Variants in SPAG16 observed in about 807,000 individuals in gnomAD.
The protein encoded by SPAG16 is sperm associated antigen 16.
Under a neutral mutation model 80.4 loss-of-function variants are expected in SPAG16, and 86 were observed. The observed-to-expected ratio is 1.07, with a 90% CI of 0.90 to 1.28. The LOEUF (loss-of-function observed/expected upper bound fraction) is 1.28. Ranked by LOEUF, SPAG16 falls within the 50% of genes most tolerant of loss-of-function variation. The pLI, the probability that SPAG16 is intolerant of heterozygous loss-of-function variation, is 0.00. For missense variants in SPAG16, 870 were observed against 765.3 expected, an observed-to-expected ratio of 1.14 and a Z score of -1.61; for synonymous variants, 294 against 265.9, an observed-to-expected ratio of 1.11 and a Z score of -1.03.
intron 9 of SPAG16, among the ~76,000 whole-genome samples, chr2:213,423,486 T>C (rs1359556142): frequency 2.6e-5 from 4 of 152,226 alleles, no homozygotes; most frequent in Non-Finnish European, 4.4e-5. Flanking sequence ...ATACTAGCTG[T>C]GTGGCCTTAT....
chr2:213,911,751 G>A (rs966668668), intron 11 of SPAG16, among the ~76,000 whole-genome samples: 8 of 150,722 alleles, frequency 5.3e-5, no homozygotes, highest in African/African-American at 2.0e-4. Context: ...CCTAGGAGAG[G>A]CAGCCTCCAT....
chr2:213,869,279 ATG>A (rs1225037973), intron 11 of SPAG16, among the ~76,000 whole-genome samples: 8 of 61,434 alleles, frequency 1.3e-4, no homozygotes, highest in South Asian at 1.6e-3. Context: ...ATATATATAT[ATG>A]TATATATATA....
chr2:213,373,294 T>C (rs1405729590), intron 8 of SPAG16, among the ~76,000 whole-genome samples: 1 of 152,198 alleles, frequency 6.6e-6, no homozygotes, highest in Admixed American at 6.5e-5. Flanking sequence ...TAAATTTTTG[T>C]GTAAGTAAAA....
chr2:214,044,586 A>G (rs575668336), intron 13 of SPAG16, among the ~76,000 whole-genome samples: 1 of 152,358 alleles, frequency 6.6e-6, no homozygotes, highest in African/African-American at 2.4e-5. Context: ...TCAGGTGAGC[A>G]TTCAGAGTAC....
intron 10 of SPAG16, among the ~76,000 whole-genome samples, chr2:213,856,818 G>A (rs532185391): frequency 1.4e-4 from 21 of 148,712 alleles, no homozygotes; most frequent in Admixed American, 3.4e-4. Flanking sequence ...TTTAAGTTTT[G>A]AGGAAAGAAG....
At chr2:213,299,617 T>G (rs947406326) in intron 3 of SPAG16, among the ~76,000 whole-genome samples, 1 of 152,130 alleles carries the variant, frequency 6.6e-6, no homozygotes, top group African/African-American at 2.4e-5. Context: ...TAGTATAGAT[T>G]AAATATTTGA....
intron 11 of SPAG16, among the ~76,000 whole-genome samples, chr2:213,927,886 A>G (rs2078558178): frequency 6.6e-6 from 1 of 152,248 alleles, no homozygotes; most frequent in Admixed American, 6.5e-5. Context: ...GCATGCTTAA[A>G]TAATTTTTAA....
chr2:213,878,431 G>A lies in SPAG16; in HGVS notation c.1214+15803G>A, dbSNP rs545010252. Among the ~76,000 whole-genome samples, 7 of 151,768 alleles carry A rather than the reference G, an allele frequency of 4.6e-5. No individual in the cohort carries two copies. In the East Asian group the frequency reaches 1.4e-3, roughly 29 times the overall value. On this transcript the variant is annotated intron_variant, in intron 11 of 15. Coordinates refer to ENST00000331683, the MANE Select transcript of SPAG16 (RefSeq NM_024532.5). ...ACTTGTATTTGTCAATATGCTTTTT[G>A]GCCACTTGTCTGTCTTCTTTTGGAA... is the stretch of plus-strand genomic sequence containing the variant.
chr2:214,408,002 G>A (rs533174290), intron 15 of SPAG16, among the ~76,000 whole-genome samples: 3 of 151,600 alleles, frequency 2.0e-5, no homozygotes, highest in South Asian at 2.1e-4. Context: ...TTGAAAAACC[G>A]CATAATAAAT....
At chr2:214,405,109 G>A (rs1701923688) in intron 15 of SPAG16, among the ~76,000 whole-genome samples, 1 of 152,056 alleles carries the variant, frequency 6.6e-6, no homozygotes, top group South Asian at 2.1e-4. Context: ...ACACTTATCT[G>A]AGTCTTTTTT....
Position 214,334,249 on chromosome 2 carries a change from T to C in SPAG16, c.1721-75891T>C, listed in dbSNP as rs139053856. Among the ~76,000 whole-genome samples, 1,121 of 152,328 alleles carry C rather than the reference T, an allele frequency of 7.4e-3. 12 individuals carry two copies. The highest frequency in any genetic ancestry group is 0.013 in the Non-Finnish European group (890 of 68,024). On this transcript the variant is annotated intron_variant, in intron 15 of 15. Coordinates refer to ENST00000331683, the MANE Select transcript of SPAG16 (RefSeq NM_024532.5). ...GGCCAGGTTGCCAGGAGGGGAGCTA[T>C]AGATAGATCCTGAGGGGGGCACATA...
intron 13 of SPAG16, among the ~76,000 whole-genome samples, chr2:214,028,892 G>GT (rs1337507647): frequency 6.6e-6 from 1 of 151,996 alleles, no homozygotes; most frequent in Non-Finnish European, 1.5e-5. Context: ...CATTCAACAC[G>GT]TAAGTACTGA....
chr2:213,679,541 A>T (rs377394311), intron 10 of SPAG16, among the ~76,000 whole-genome samples: 1 of 120,280 alleles, frequency 8.3e-6, no homozygotes, highest in South Asian at 2.4e-4. Context: ...ACATTTTAAA[A>T]ACGTGGAGAA....
chr2:213,904,136 ACCT>A (rs1312721485), intron 11 of SPAG16, among the ~76,000 whole-genome samples: 3 of 151,714 alleles, frequency 2.0e-5, no homozygotes, highest in Non-Finnish European at 2.9e-5. Flanking sequence ...AACTGTTCCA[ACCT>A]CTGCCTGTTA....
At chr2:214,232,596 C>T (rs1912182) in intron 15 of SPAG16, among the ~76,000 whole-genome samples, 117,991 of 151,724 alleles carry the variant, frequency 0.78, 46,487 homozygotes, top group South Asian at 0.85. Flanking sequence ...TCGGGGGGGG[C>T]TCAGATTGTA....
intron 15 of SPAG16, among the ~76,000 whole-genome samples, chr2:214,376,152 T>A (rs1038266790): frequency 1.3e-5 from 2 of 152,136 alleles, no homozygotes; most frequent in Non-Finnish European, 2.9e-5. Context: ...TGTGACAAAT[T>A]GTTGAGAAAC....
chr2:214,399,236 C>A (rs1038134039), intron 15 of SPAG16, among the ~76,000 whole-genome samples: 1 of 152,130 alleles, frequency 6.6e-6, no homozygotes, highest in Admixed American at 6.5e-5. Flanking sequence ...ACAAGACCTT[C>A]GCATTTGATA....
At chr2:213,728,738 G>A (rs6725238) in intron 10 of SPAG16, among the ~76,000 whole-genome samples, 9,770 of 151,772 alleles carry the variant, frequency 0.064, 576 homozygotes, top group African/African-American at 0.15. Flanking sequence ...TTAGCCGGGC[G>A]TGGTGGTGGG....
chr2:213,397,494 C>T (rs1352810366), intron 9 of SPAG16, among the ~76,000 whole-genome samples: 1 of 150,488 alleles, frequency 6.6e-6, no homozygotes, highest in African/African-American at 2.5e-5. Context: ...CTTCTCACCT[C>T]ATCTTTTTGT....
Sources: allele counts gnomAD v4.1 joint callset (sites outside exome capture counted in the v4.1 genomes callset), GRCh38; gene constraint gnomAD v4.1.1; transcripts MANE v1.5; gene names NCBI Gene and HGNC (gene_info 2026-07-23, HGNC 2026-07-21).